The following NTN4 variants were observed in gnomAD, a reference collection of about 807,000 sequenced individuals.
The protein encoded by NTN4 is netrin-4.
Under a neutral mutation model 73.6 loss-of-function variants are expected in NTN4, and 32 were observed. That is an observed-to-expected ratio of 0.44 (90% CI 0.33 to 0.58). The LOEUF is 0.58. Among genes scored for constraint, NTN4 ranks in the 20% least tolerant of loss-of-function variants. NTN4 has a pLI of 0.04. For synonymous variants in NTN4, 258 were observed against 287.5 expected (o/e 0.90, Z 1.04); for missense variants, 654 against 798.3 (o/e 0.82, Z 2.18).
In NTN4 at chr12:95,790,310, G is replaced by A; in HGVS notation, c.-1C>T. 2 of 1,529,918 alleles carry A rather than the reference G, an allele frequency of 1.3e-6. No individual in the cohort carries two copies. The highest frequency in any genetic ancestry group is 1.8e-6 in the Non-Finnish European group (2 of 1,139,234). 94.8% of individuals were successfully genotyped at this position (1,529,918 alleles called of 1,614,324 possible). A position where few individuals can be genotyped will look rare whatever the true frequency, so the allele number is the denominator to read the frequency against. ...GCAGCAGCCGCGCGCAGCTCCCCAT[G>A]GCCGGGAGGAGCCGGGAGCAGCCGG... is the stretch of plus-strand genomic sequence containing the variant. On this transcript the variant is annotated 5_prime_UTR_variant, in exon 1 of 10. Coordinates refer to ENST00000343702, the MANE Select transcript of NTN4 (RefSeq NM_021229.4). This position sits in a 1 kb window ranked among gnomAD's most constrained non-coding sequence, Gnocchi z 6.5.
In NTN4 at chr12:95,659,132, G is replaced by GAA; in HGVS notation, c.1839_1840dup (p.Ser614PhefsTer11). On this transcript the variant is annotated frameshift_variant, in exon 10 of 10. Transcript: ENST00000343702. LOFTEE classifies it high-confidence loss of function. Reference sequence around the variant, plus strand: ...AATATCCATGACTTTTCTTCCAAGAGAAGGTTTCCAGTGCTGGACAAAGCT... The same window carrying GAA: ...AATATCCATGACTTTTCTTCCAAGAGAAAAGGTTTCCAGTGCTGGACAAAGCT... 1 of 1,613,672 alleles carries GAA rather than the reference G, an allele frequency of 6.2e-7. No individual in the cohort carries two copies. Among genetic ancestry groups the GAA allele is most frequent in the Non-Finnish European group, 8.5e-7 (1 of 1,179,836 alleles).
At chr12:95,676,711 AATAAAG>A (rs143230409) in intron 7 of NTN4, among the ~76,000 whole-genome samples, 56 of 150,966 alleles carry the variant, frequency 3.7e-4, no homozygotes, top group African/African-American at 1.3e-3. Context: ...ATAAAAAAAA[AATAAAG>A]ATAAGAGCAG....
At chr12:95,696,515 G>A (rs1365059215) in intron 5 of NTN4, among the ~76,000 whole-genome samples, 4 of 152,120 alleles carry the variant, frequency 2.6e-5, no homozygotes, top group Non-Finnish European at 4.4e-5. Context: ...GAACCACATC[G>A]TTTTATCGCT....
chr12:95,719,733 G>A (rs2078632826), intron 3 of NTN4, among the ~76,000 whole-genome samples: 1 of 152,048 alleles, frequency 6.6e-6, no homozygotes, highest in Admixed American at 6.6e-5. Context: ...TTAAAGGTTT[G>A]CATGTTTTAA....
rs769557688 is a variant in NTN4 at position 95,682,854 on chromosome 12, T to C, written c.1395-32A>G. On this transcript the variant is annotated intron_variant, in intron 6 of 9. Coordinates refer to ENST00000343702, the MANE Select transcript of NTN4 (RefSeq NM_021229.4). Reference sequence around the variant, plus strand: ...AAATAGAACATGATAAAGAACGTATTCAGGAATTTTTTAGAACTTGTATAG... The same window carrying C: ...AAATAGAACATGATAAAGAACGTATCCAGGAATTTTTTAGAACTTGTATAG... 2.2e-6 allele frequency: 3 copies of C among 1,359,664 alleles called. No homozygotes were observed. In the Admixed American group the frequency reaches 5.3e-5, roughly 24 times the overall value. 84.2% of individuals were successfully genotyped at this position (1,359,664 alleles called of 1,614,324 possible). A position where few individuals can be genotyped will look rare whatever the true frequency, so the allele number is the denominator to read the frequency against.
chr12:95,700,501 A>G (rs1451359105), intron 5 of NTN4, among the ~76,000 whole-genome samples: 2 of 152,166 alleles, frequency 1.3e-5, no homozygotes, highest in African/African-American at 4.8e-5. Flanking sequence ...ACCCACAGCC[A>G]GGTTTGGGAA....
At chr12:95,676,911 A>G (rs954188584) in intron 7 of NTN4, among the ~76,000 whole-genome samples, 9 of 152,202 alleles carry the variant, frequency 5.9e-5, no homozygotes, top group African/African-American at 2.2e-4. Context: ...AATACCATGT[A>G]TAACTCTATG....
In NTN4 at chr12:95,755,436, C is replaced by T. The variant is rs546918801; in HGVS notation, c.586-17292G>A. On this transcript the variant is annotated intron_variant, in intron 2 of 9. Coordinates refer to ENST00000343702, the MANE Select transcript of NTN4 (RefSeq NM_021229.4). Reference sequence around the variant, plus strand: ...GAAGATAGCATAATTGACATGTGGGCGTCTGCAGCTGGTTGGTTTAATTTT... The same window carrying T: ...GAAGATAGCATAATTGACATGTGGGTGTCTGCAGCTGGTTGGTTTAATTTT... 1.3e-4 allele frequency among the ~76,000 whole-genome samples: 20 copies of T among 152,224 alleles called. No homozygotes were observed. In the East Asian group the frequency reaches 2.5e-3, roughly 19 times the overall value.
At position 95,682,806 on chromosome 12, in the gene NTN4, A is replaced by G. The variant is rs2078329478; in HGVS notation, c.1411T>C (p.Trp471Arg). The G allele has an allele frequency of 6.2e-7, 1 of 1,610,640 alleles. No individual in the cohort carries two copies. Reference sequence around the variant, plus strand: ...CGGAAGTCAGGAACTTCATGATACCAGTCTATGTCTGTGTGGCTAACAAAA... The same window carrying G: ...CGGAAGTCAGGAACTTCATGATACCGGTCTATGTCTGTGTGGCTAACAAAA... ...DCISSHTDID[W>R]YHEVPDFRPV... The change falls in exon 7 of 10, where the codon TGG becomes CGG. Residue 471 changes from tryptophan to arginine, a missense_variant. Transcript: ENST00000343702.
In NTN4 at chr12:95,658,887, G is replaced by A. The variant is rs2078113397; in HGVS notation, c.*199C>T. On this transcript the variant is annotated 3_prime_UTR_variant, in exon 10 of 10. Coordinates refer to ENST00000343702, the MANE Select transcript of NTN4 (RefSeq NM_021229.4). ...ATAGAAAACAGATATCAGTGTAGGG[G>A]TTTTCATTTCTCTTCATGAAATAAA... 8.3e-6 allele frequency: 4 copies of A among 483,794 alleles called. No homozygotes were observed. The highest frequency in any genetic ancestry group is 3.9e-5 in the Admixed American group (1 of 25,556). 30.0% of individuals were successfully genotyped at this position (483,794 alleles called of 1,614,324 possible). A position where few individuals can be genotyped will look rare whatever the true frequency, so the allele number is the denominator to read the frequency against.
At chr12:95,683,442 G>T in intron 6 of NTN4, 56 bp downstream of exon 6, 1 of 1,512,548 alleles carries the variant, frequency 6.6e-7, no homozygotes, top group Non-Finnish European at 9.2e-7. Context: ...ATCACTATAG[G>T]TTTTCAAAAG....
intron 3 of NTN4, among the ~76,000 whole-genome samples, chr12:95,721,212 T>C (rs2078645378): frequency 6.6e-6 from 1 of 152,210 alleles, no homozygotes; most frequent in African/African-American, 2.4e-5. Flanking sequence ...ACTTGTCCTT[T>C]AAGTAAGAGC....
intron 3 of NTN4, among the ~76,000 whole-genome samples, chr12:95,732,224 CTCTTTCTTTCTTTCTCTG>C (rs1268474850): frequency 9.2e-5 from 13 of 141,998 alleles, no homozygotes; most frequent in South Asian, 2.4e-4. Context: ...CTCCCTTTCT[CTCTTTCTTTCTTTCTCTG>C]TCTTTCTTTC....
At chr12:95,735,702 T>C (rs2078770689) in intron 3 of NTN4, among the ~76,000 whole-genome samples, 1 of 152,120 alleles carries the variant, frequency 6.6e-6, no homozygotes, top group African/African-American at 2.4e-5. Context: ...TATAGAATAG[T>C]TGTATTTTAA....
At chr12:95,756,642 G>A (rs11108235) in intron 2 of NTN4, among the ~76,000 whole-genome samples, 121,844 of 151,992 alleles carry the variant, frequency 0.8, 49,226 homozygotes, top group South Asian at 0.9. Context: ...CCACTACTTC[G>A]TCTTGGATCA....
chr12:95,745,190 AGTT>A (rs1427076330), intron 2 of NTN4, among the ~76,000 whole-genome samples: 1 of 152,088 alleles, frequency 6.6e-6, no homozygotes, highest in Admixed American at 6.6e-5. Flanking sequence ...ATGGATTTAT[AGTT>A]ATTATAAAAT....
chr12:95,664,046 T>G (rs901760767), intron 9 of NTN4, among the ~76,000 whole-genome samples: 2 of 152,132 alleles, frequency 1.3e-5, no homozygotes, highest in Non-Finnish European at 2.9e-5. Flanking sequence ...TTTGGAATTT[T>G]ATTTATGTAT....
intron 5 of NTN4, among the ~76,000 whole-genome samples, chr12:95,697,068 G>A (rs971361739): frequency 2.6e-5 from 4 of 151,766 alleles, no homozygotes; most frequent in Admixed American, 2.6e-4. Context: ...CCAACTACTC[G>A]AGAGGCTGAG....
At chr12:95,732,433 C>A (rs1217102284) in intron 3 of NTN4, among the ~76,000 whole-genome samples, 1 of 111,192 alleles carries the variant, frequency 9.0e-6, no homozygotes, top group African/African-American at 3.7e-5. Flanking sequence ...ACAAGAGTTT[C>A]GCTCTTGTTA....
Sources: gnomAD v4.1 joint callset for allele counts (sites outside exome capture counted in the v4.1 genomes callset) on GRCh38, gnomAD v4.1.1 for gene constraint, Gnocchi (gnomAD v3.1) non-coding constraint, MANE v1.5 for transcripts, NCBI Gene and HGNC (gene_info 2026-07-23, HGNC 2026-07-21) for gene names.